ILKAP: variants seen among roughly 807,000 people sequenced by gnomAD.
The protein encoded by ILKAP is integrin-linked kinase-associated serine/threonine phosphatase 2C.
Under a neutral mutation model 49.1 loss-of-function variants are expected in ILKAP, and 11 were observed. The ratio of observed to expected loss-of-function variants is 0.22; its 90% CI spans 0.14 to 0.37. The LOEUF is 0.37. Ranked by LOEUF, ILKAP falls within the 10% of genes least tolerant of loss-of-function variation. The pLI, the probability that ILKAP is intolerant of heterozygous loss-of-function variation, is 1.00. For missense variants in ILKAP, 363 were observed against 510.8 expected (o/e 0.71, Z 2.79); for synonymous variants, 186 against 192.8 (o/e 0.96, Z 0.29).
chr2:238,201,782 G>C (rs1207550732), intron 1 of ILKAP, among the ~76,000 whole-genome samples: 1 of 151,048 alleles, frequency 6.6e-6, no homozygotes, highest in African/African-American at 2.4e-5. Context: ...TATTCAGATA[G>C]AAATTATACT....
chr2:238,200,359 GGT>G (rs1694518699), intron 1 of ILKAP, among the ~76,000 whole-genome samples: 1 of 152,016 alleles, frequency 6.6e-6, no homozygotes. Flanking sequence ...ACATTTAAGA[GGT>G]TTAGGGGTGG....
At chr2:238,199,981 T>C (rs1286270048) in intron 1 of ILKAP, among the ~76,000 whole-genome samples, 1 of 152,138 alleles carries the variant, frequency 6.6e-6, no homozygotes, top group African/African-American at 2.4e-5. Context: ...CCTCAACAAC[T>C]GACCATCAAT....
At chr2:238,198,176 T>A (rs1319515953) in intron 1 of ILKAP, among the ~76,000 whole-genome samples, 1 of 151,802 alleles carries the variant, frequency 6.6e-6, no homozygotes, top group African/African-American at 2.4e-5. Context: ...TGTGGATTCT[T>A]TAAAAAAAAA....
chr2:238,198,240 T>TC lies in ILKAP; in HGVS notation c.56-3371_56-3370insG, dbSNP rs561152645. Among the ~76,000 whole-genome samples the TC allele has an allele frequency of 1.8e-3, 273 of 152,112 alleles. 2 individuals carry two copies. Among genetic ancestry groups the TC allele is most frequent in the African/African-American group, 6.2e-3 (256 of 41,478 alleles). The stretch of plus-strand genomic sequence containing the variant: ...TACTGATTAGTCAAAACCTTAGATT[T>TC]TTTTTTTTTTAAATTGAGACAAGAG... On this transcript the variant is annotated intron_variant, in intron 1 of 11. Coordinates refer to ENST00000254654, the MANE Select transcript of ILKAP (RefSeq NM_030768.3).
rs1694262213 is a variant in ILKAP, at chr2:238,194,345, G to A, written c.122-14C>T. Reference sequence around the variant, plus strand: ...GTCCCCCTGATCCTGAAACACAGCAGAACACTTAGTGAGCCCACAAAAAAT... The same window carrying A: ...GTCCCCCTGATCCTGAAACACAGCAAAACACTTAGTGAGCCCACAAAAAAT... On this transcript the variant is annotated splice_polypyrimidine_tract_variant and intron_variant, in intron 2 of 11. Transcript: ENST00000254654. 1 of 1,613,414 alleles carries A rather than the reference G, an allele frequency of 6.2e-7. No homozygotes were observed. The highest frequency in any genetic ancestry group is 1.7e-5 in the Admixed American group (1 of 59,974).
At chr2:238,183,201 C>T (rs956351362) in intron 8 of ILKAP, among the ~76,000 whole-genome samples, 2 of 152,050 alleles carry the variant, frequency 1.3e-5, no homozygotes, top group Admixed American at 1.3e-4. Flanking sequence ...ATGAATGGCA[C>T]CTCATCTGGT....
At chr2:238,171,304 T>C (rs571770641) in intron 10 of ILKAP, among the ~76,000 whole-genome samples, 1 of 151,832 alleles carries the variant, frequency 6.6e-6, no homozygotes, top group East Asian at 1.9e-4. Context: ...GGATTACAGG[T>C]GCCCGGCACC....
chr2:238,196,219 T>A (rs1434145723), intron 1 of ILKAP, among the ~76,000 whole-genome samples: 1 of 150,894 alleles, frequency 6.6e-6, no homozygotes, highest in African/African-American at 2.4e-5. Context: ...GCCTCCTGAG[T>A]AGGTGAGATC....
intron 9 of ILKAP, among the ~76,000 whole-genome samples, chr2:238,177,015 T>TG (rs1214155823): frequency 8.5e-5 from 13 of 152,270 alleles, no homozygotes; most frequent in African/African-American, 3.1e-4. Flanking sequence ...CACACAGTAC[T>TG]GACATTTAAA....
At chr2:238,201,849 A>G (rs1245734864) in intron 1 of ILKAP, among the ~76,000 whole-genome samples, 1 of 152,216 alleles carries the variant, frequency 6.6e-6, no homozygotes, top group East Asian at 1.9e-4. Context: ...CACAGCTAAA[A>G]CCGTGGTTAT....
intron 9 of ILKAP, among the ~76,000 whole-genome samples, chr2:238,178,418 A>T (rs1693556203): frequency 6.6e-6 from 1 of 152,152 alleles, no homozygotes. Context: ...CAAACTCCTG[A>T]CGTGGAGCGA....
intron 8 of ILKAP, 28 bp downstream of exon 8, chr2:238,183,625 C>G: frequency 6.6e-7 from 1 of 1,504,700 alleles, no homozygotes; most frequent in African/African-American, 1.4e-5. Context: ...GTATTGTCAT[C>G]TAAGTGGGTG....
intron 10 of ILKAP, among the ~76,000 whole-genome samples, chr2:238,173,255 CCT>C (rs372657622): frequency 6.6e-6 from 1 of 152,142 alleles, no homozygotes; most frequent in Non-Finnish European, 1.5e-5. Flanking sequence ...AGCCCCTTCT[CCT>C]CTCTCTGACA....
intron 9 of ILKAP, among the ~76,000 whole-genome samples, chr2:238,175,775 G>C (rs538490383): frequency 6.6e-6 from 1 of 152,186 alleles, no homozygotes; most frequent in South Asian, 2.1e-4. Context: ...CATTTCACCG[G>C]AACTCTTTTT....
chr2:238,193,326 C>T (rs1694217604), intron 3 of ILKAP, among the ~76,000 whole-genome samples: 1 of 152,074 alleles, frequency 6.6e-6, no homozygotes, highest in Middle Eastern at 3.2e-3. Context: ...GTTCAAGCGA[C>T]TCTCCTGCCT....
rs57511265 is a variant in ILKAP at position 238,190,877 on chromosome 2, TAAAAA to T, written c.179-910_179-906del. Reference sequence around the variant, plus strand: ...GGCAAAGTAGTAAGACGTTTCTCTTTAAAAAAAAAAAAAAAAAAAAAAAAAAAAGG... The same window carrying T: ...GGCAAAGTAGTAAGACGTTTCTCTTTAAAAAAAAAAAAAAAAAAAAAAAGG... On this transcript the variant is annotated intron_variant, in intron 3 of 11. Transcript: ENST00000254654. Among the ~76,000 whole-genome samples, 871 of 95,118 alleles carry T rather than the reference TAAAAA, an allele frequency of 9.2e-3. 12 individuals carry two copies. Among genetic ancestry groups the T allele is most frequent in the Non-Finnish European group, 0.012 (629 of 52,184 alleles). The allele number at this position is 95,118 out of a possible 152,430, so 62.4% of individuals were successfully genotyped here.
At chr2:238,199,520 G>A (rs935589083) in intron 1 of ILKAP, among the ~76,000 whole-genome samples, 1 of 152,074 alleles carries the variant, frequency 6.6e-6, no homozygotes. Context: ...GAACTGGGAG[G>A]ATACATCCTT....
intron 3 of ILKAP, among the ~76,000 whole-genome samples, chr2:238,192,245 A>G (rs1413303311): frequency 6.6e-6 from 1 of 152,038 alleles, no homozygotes; most frequent in African/African-American, 2.4e-5. Context: ...AAGAAAAATA[A>G]TAAAATTTCA....
chr2:238,178,505 T>C (rs1693560280), intron 9 of ILKAP, among the ~76,000 whole-genome samples: 1 of 152,272 alleles, frequency 6.6e-6, no homozygotes, highest in Non-Finnish European at 1.5e-5. Flanking sequence ...ATAATTTTGA[T>C]ACTATGAAAC....
Sources: allele counts gnomAD v4.1 joint callset (sites outside exome capture counted in the v4.1 genomes callset), GRCh38; gene constraint gnomAD v4.1.1; transcripts MANE v1.5; gene names NCBI Gene and HGNC (gene_info 2026-07-23, HGNC 2026-07-21).